CHODL: variants seen among roughly 807,000 people sequenced by gnomAD.
The protein encoded by CHODL is chondrolectin.
CHODL carries 29 observed loss-of-function variants against 34.5 expected under a neutral mutation model. The observed-to-expected ratio is 0.84, with a 90% CI of 0.63 to 1.15. The LOEUF (loss-of-function observed/expected upper bound fraction) is 1.15. CHODL is among the 50% of genes most tolerant of loss of function. The pLI is 0.00. For missense variants in CHODL, 332 were observed against 332.5 expected (o/e 1.00, Z 0.01); for synonymous variants, 125 against 116.1 (o/e 1.08, Z -0.49).
intron 2 of CHODL, among the ~76,000 whole-genome samples, chr21:18,203,567 C>T (rs1399426410): frequency 6.6e-6 from 1 of 152,122 alleles, no homozygotes; most frequent in Non-Finnish European, 1.5e-5. Flanking sequence ...TAATTTGGGT[C>T]TGTAATTATA....
intron 1 of CHODL, among the ~76,000 whole-genome samples, chr21:17,925,145 G>A (rs945751618): frequency 6.6e-6 from 1 of 152,222 alleles, no homozygotes; most frequent in East Asian, 1.9e-4. Flanking sequence ...ACACACCCCT[G>A]AGGAGAATCC....
At chr21:18,012,934 TA>T (rs35465369) in intron 1 of CHODL, among the ~76,000 whole-genome samples, 43,984 of 151,980 alleles carry the variant, frequency 0.29, 6,712 homozygotes, top group South Asian at 0.42. Flanking sequence ...AATAAATGCG[TA>T]AAAAAATAGT....
chr21:18,238,509 C>T (rs1366980872), intron 2 of CHODL, among the ~76,000 whole-genome samples: 2 of 152,070 alleles, frequency 1.3e-5, no homozygotes, highest in African/African-American at 4.8e-5. Context: ...CAGTGGGTCC[C>T]TCCCACAACA....
At chr21:18,163,573 T>G (rs1601091235) in intron 2 of CHODL, among the ~76,000 whole-genome samples, 1 of 152,290 alleles carries the variant, frequency 6.6e-6, no homozygotes, top group East Asian at 1.9e-4. Context: ...GGGTACTGGG[T>G]TATTATCTTT....
intron 2 of CHODL, among the ~76,000 whole-genome samples, chr21:18,069,427 C>T (rs1255959090): frequency 6.6e-6 from 1 of 151,832 alleles, no homozygotes; most frequent in East Asian, 1.9e-4. Context: ...AATAATTTTC[C>T]AACAATGTCA....
At chr21:18,248,774 A>G (rs1288209586) in intron 1 of CHODL, among the ~76,000 whole-genome samples, 5 of 121,490 alleles carry the variant, frequency 4.1e-5, no homozygotes, top group Non-Finnish European at 6.4e-5. Context: ...TATATATAAT[A>G]TATGTGTGTA....
intron 2 of CHODL, among the ~76,000 whole-genome samples, chr21:18,058,623 T>C (rs777951865): frequency 2.6e-5 from 4 of 152,142 alleles, no homozygotes; most frequent in Non-Finnish European, 4.4e-5. Context: ...CTCACTCATA[T>C]GTGGGAGAAA....
intron 2 of CHODL, among the ~76,000 whole-genome samples, chr21:18,225,959 C>T: frequency 6.6e-6 from 1 of 152,040 alleles, no homozygotes; most frequent in East Asian, 1.9e-4. Context: ...AGACTCATAT[C>T]AAATCATAGA....
intron 2 of CHODL, among the ~76,000 whole-genome samples, chr21:18,094,698 CA>C (rs2065116631): frequency 1.5e-5 from 2 of 129,224 alleles, no homozygotes; most frequent in African/African-American, 5.7e-5. Flanking sequence ...TGGGATACAG[CA>C]AAAGCAGTAC....
intron 2 of CHODL, among the ~76,000 whole-genome samples, chr21:18,211,714 G>T (rs1428611153): frequency 6.6e-6 from 1 of 152,158 alleles, no homozygotes; most frequent in Non-Finnish European, 1.5e-5. Context: ...CAATTTTGAA[G>T]AATTCATATA....
chr21:18,023,970 C>T (rs2064151016), intron 1 of CHODL, among the ~76,000 whole-genome samples: 2 of 152,122 alleles, frequency 1.3e-5, no homozygotes. Context: ...AAGAGACAGT[C>T]CCCCTATGAG....
At chr21:18,247,577 C>T (rs1027556162) in intron 1 of CHODL, among the ~76,000 whole-genome samples, 6 of 151,944 alleles carry the variant, frequency 3.9e-5, no homozygotes, top group Admixed American at 1.3e-4. Flanking sequence ...CAAACAACTT[C>T]GTCATCGTAA....
intron 1 of CHODL, among the ~76,000 whole-genome samples, chr21:17,974,183 A>G (rs2063642611): frequency 6.6e-6 from 1 of 152,234 alleles, no homozygotes. Context: ...ATGAACCAAA[A>G]TGACATTGAT....
At chr21:17,950,772 C>A (rs914549206) in intron 1 of CHODL, among the ~76,000 whole-genome samples, 2 of 151,926 alleles carry the variant, frequency 1.3e-5, no homozygotes, top group Admixed American at 1.3e-4. Context: ...ACTGGAAGAG[C>A]CCCAATTGCC....
At chr21:18,222,335 G>A (rs2073892308) in intron 2 of CHODL, among the ~76,000 whole-genome samples, 1 of 152,116 alleles carries the variant, frequency 6.6e-6, no homozygotes, top group East Asian at 1.9e-4. Context: ...GGTCCCTGAG[G>A]ATTTGGAAAT....
intron 1 of CHODL, among the ~76,000 whole-genome samples, chr21:17,989,844 C>A (rs947615255): frequency 6.6e-6 from 1 of 152,076 alleles, no homozygotes; most frequent in Non-Finnish European, 1.5e-5. Flanking sequence ...GTCCCATTTC[C>A]GAGGAGTTAA....
chr21:18,009,150 G>A (rs935696785), intron 1 of CHODL, among the ~76,000 whole-genome samples: 2 of 152,120 alleles, frequency 1.3e-5, no homozygotes, highest in Admixed American at 1.3e-4. Context: ...CTGTACTTAT[G>A]ATTTTTTTCA....
intron 1 of CHODL, among the ~76,000 whole-genome samples, chr21:17,966,448 TAG>T (rs1432155516): frequency 6.6e-6 from 1 of 152,162 alleles, no homozygotes; most frequent in East Asian, 1.9e-4. Flanking sequence ...CAATCTTTCT[TAG>T]AGTTTAAACA....
chr21:18,202,706 C>T (rs2073668266), intron 2 of CHODL, among the ~76,000 whole-genome samples: 1 of 152,180 alleles, frequency 6.6e-6, no homozygotes, highest in Non-Finnish European at 1.5e-5. Flanking sequence ...AAAATTAGTC[C>T]TTAACTGATC....
Sources: gnomAD v4.1 joint callset for allele counts (sites outside exome capture counted in the v4.1 genomes callset) on GRCh38, gnomAD v4.1.1 for gene constraint, MANE v1.5 for transcripts, NCBI Gene and HGNC (gene_info 2026-07-23, HGNC 2026-07-21) for gene names.